PLEKHA7: variants seen among roughly 807,000 people sequenced by gnomAD.
PLEKHA7 encodes pleckstrin homology domain containing A7.
PLEKHA7 carries 104 observed loss-of-function variants against 170.0 expected under a neutral mutation model. The observed-to-expected ratio is 0.61, with a 90% confidence interval of 0.52 to 0.72. The LOEUF (loss-of-function observed/expected upper bound fraction) is 0.72. Ranked by LOEUF, PLEKHA7 falls within the 30% of genes least tolerant of loss-of-function variation. The probability of loss-of-function intolerance (pLI) is 0.00; values close to 1 mark genes in which losing one functional copy is unlikely to be tolerated. For missense variants in PLEKHA7, 1,615 were observed against 1,671.7 expected (o/e 0.97, Z 0.59); for synonymous variants, 648 against 660.8 (o/e 0.98, Z 0.30).
chr11:16,912,304 C>A (rs1858306344), intron 3 of PLEKHA7, among the ~76,000 whole-genome samples: 1 of 152,222 alleles, frequency 6.6e-6, no homozygotes, highest in Admixed American at 6.5e-5. Flanking sequence ...GTGGCACTCA[C>A]TGGGCTAAGG....
At chr11:16,811,091 A>G (rs962439543) in intron 13 of PLEKHA7, among the ~76,000 whole-genome samples, 7 of 152,296 alleles carry the variant, frequency 4.6e-5, no homozygotes, top group Admixed American at 4.6e-4. Context: ...TCTGTGGCTC[A>G]GTTTCTCCCT....
intron 3 of PLEKHA7, among the ~76,000 whole-genome samples, chr11:16,940,142 A>G (rs941815297): frequency 3.3e-5 from 5 of 152,184 alleles, no homozygotes; most frequent in Non-Finnish European, 7.3e-5. Flanking sequence ...CTTCCAGGGG[A>G]AGAAGTACCA....
intron 3 of PLEKHA7, among the ~76,000 whole-genome samples, chr11:16,968,300 G>C (rs1308220079): frequency 6.6e-6 from 1 of 152,176 alleles, no homozygotes; most frequent in Non-Finnish European, 1.5e-5. Flanking sequence ...TCTGGGCACA[G>C]AGACTCATGC....
At chr11:16,993,137 A>C (rs1003652134) in intron 3 of PLEKHA7, among the ~76,000 whole-genome samples, 2 of 152,190 alleles carry the variant, frequency 1.3e-5, no homozygotes, top group Non-Finnish European at 2.9e-5. Flanking sequence ...CAGTACCAAG[A>C]AACCCTTTCT....
intron 3 of PLEKHA7, among the ~76,000 whole-genome samples, chr11:16,988,874 T>C (rs1242525954): frequency 2.6e-5 from 4 of 152,254 alleles, no homozygotes; most frequent in East Asian, 3.8e-4. Flanking sequence ...GACTCTTCTA[T>C]GTGGCAGCCC....
chr11:16,938,737 T>C (rs1860482506), intron 3 of PLEKHA7, among the ~76,000 whole-genome samples: 1 of 152,224 alleles, frequency 6.6e-6, no homozygotes, highest in Admixed American at 6.5e-5. Flanking sequence ...TTTTTCAATG[T>C]GCAGTTTATC....
At chr11:16,801,117 G>T (rs1157407550) in intron 16 of PLEKHA7, 42 bp from the exon 17 acceptor site, 1 of 1,569,294 alleles carries the variant, frequency 6.4e-7, no homozygotes, top group African/African-American at 1.4e-5. Context: ...GTTATCCCCT[G>T]CCCCCTTGGA....
chr11:16,958,798 T>C (rs915812568), intron 3 of PLEKHA7, among the ~76,000 whole-genome samples: 2 of 152,238 alleles, frequency 1.3e-5, no homozygotes, highest in Non-Finnish European at 2.9e-5. Context: ...TTTTCTACTT[T>C]GCTAATTGCT....
chr11:16,979,844 A>G (rs1863313205), intron 3 of PLEKHA7, among the ~76,000 whole-genome samples: 1 of 152,140 alleles, frequency 6.6e-6, no homozygotes, highest in African/African-American at 2.4e-5. Context: ...TGATTAACTC[A>G]CAGGCAAGTC....
chr11:16,843,612 C>A (rs556224213), intron 8 of PLEKHA7, among the ~76,000 whole-genome samples: 1 of 152,274 alleles, frequency 6.6e-6, no homozygotes, highest in East Asian at 1.9e-4. Flanking sequence ...GGAAGGATTC[C>A]TTCTATTTTA....
rs148440347 is a variant in PLEKHA7, at chr11:16,791,973, T to TC, written c.2746-775dup. On this transcript the variant is annotated intron_variant, in intron 19 of 26. Transcript: ENST00000531066. The surrounding 1 kb of genome is among the most constrained non-coding windows in gnomAD (Gnocchi z 4.5). ...CCATCATGCCTTCCACCTCCTAAAT[T>TC]CCCTCTTTCTCGGTCTAATTTGGTT... Among the ~76,000 whole-genome samples the TC allele has an allele frequency of 9.4e-4, 143 of 152,186 alleles. No individual in the cohort carries two copies. The highest frequency in any genetic ancestry group is 3.3e-3 in the African/African-American group (137 of 41,526).
chr11:16,890,334 C>A (rs1295371433), intron 3 of PLEKHA7, among the ~76,000 whole-genome samples: 3 of 152,144 alleles, frequency 2.0e-5, no homozygotes, highest in Admixed American at 2.0e-4. Context: ...AGTAAATACT[C>A]CTAAAAGATA....
chr11:16,933,694 C>T (rs1860096437), intron 3 of PLEKHA7, among the ~76,000 whole-genome samples: 2 of 152,050 alleles, frequency 1.3e-5, no homozygotes, highest in South Asian at 2.1e-4. Flanking sequence ...ATTAAACGTC[C>T]AAGAGGAAAA....
rs144332550 is a variant in PLEKHA7, at chr11:16,803,649, G to A, written c.2008-354C>T. 230 of 263,564 alleles carry A rather than the reference G, an allele frequency of 8.7e-4. 1 individual carries two copies. Among genetic ancestry groups the A allele is most frequent in the African/African-American group, 4.7e-3 (211 of 44,614 alleles). 16.3% of individuals were successfully genotyped at this position (263,564 alleles called of 1,614,324 possible). A position where few individuals can be genotyped will look rare whatever the true frequency, so the allele number is the denominator to read the frequency against. ...GATTTGCCACCGATAAGACAGAGGT[G>A]TACTACTGAACGTGGGAACAAACAC... On this transcript the variant is annotated intron_variant, in intron 13 of 26. Coordinates refer to ENST00000531066, the MANE Select transcript of PLEKHA7 (RefSeq NM_001329630.2).
chr11:16,989,472 A>T (rs1184123559), intron 3 of PLEKHA7, among the ~76,000 whole-genome samples: 2 of 152,202 alleles, frequency 1.3e-5, no homozygotes, highest in African/African-American at 4.8e-5. Flanking sequence ...AACTTCCCCA[A>T]AGTCAAAGCT....
chr11:16,790,230 TG>T (rs2134209762), intron 21 of PLEKHA7: 1 of 290,922 alleles, frequency 3.4e-6, no homozygotes, highest in East Asian at 8.3e-5. Context: ...CAACCCAACT[TG>T]GGGTGAGGAG....
intron 3 of PLEKHA7, among the ~76,000 whole-genome samples, chr11:16,983,814 G>A (rs1461118891): frequency 6.6e-6 from 1 of 152,208 alleles, no homozygotes; most frequent in African/African-American, 2.4e-5. Context: ...AAGGGCAGAA[G>A]ATAGGTGGAA....
chr11:16,897,004 A>G (rs1857034822), intron 3 of PLEKHA7, among the ~76,000 whole-genome samples: 1 of 152,158 alleles, frequency 6.6e-6, no homozygotes, highest in Non-Finnish European at 1.5e-5. Context: ...ATTCTCCATC[A>G]CAGAGCCTAG....
chr11:16,835,018 C>T (rs370053), intron 9 of PLEKHA7, among the ~76,000 whole-genome samples: 14,641 of 152,244 alleles, frequency 0.096, 819 homozygotes, highest in East Asian at 0.16. Flanking sequence ...GCCTGTAATC[C>T]TAACAATTTG....
Sources: gnomAD v4.1 joint callset for allele counts (sites outside exome capture counted in the v4.1 genomes callset) on GRCh38, gnomAD v4.1.1 for gene constraint, Gnocchi (gnomAD v3.1) non-coding constraint, MANE v1.5 for transcripts, NCBI Gene and HGNC (gene_info 2026-07-23, HGNC 2026-07-21) for gene names.